Variants in MAST4 observed in about 807,000 individuals in gnomAD.
The protein encoded by MAST4 is microtubule associated serine/threonine kinase family member 4.
MAST4 carries 89 observed loss-of-function variants against 162.7 expected under a neutral mutation model. The observed-to-expected ratio is 0.55, with a 90% CI of 0.46 to 0.65. The LOEUF is 0.65. MAST4 is among the 30% of genes least tolerant of loss of function. MAST4 has a pLI of 0.00. For missense variants in MAST4, 3,153 were observed against 3,374.0 expected, an observed-to-expected ratio of 0.93 and a Z score of 1.62; for synonymous variants, 1,479 against 1,361.1, an observed-to-expected ratio of 1.09 and a Z score of -1.91.
At chr5:67,063,517 G>A (rs1438853823) in intron 5 of MAST4, among the ~76,000 whole-genome samples, 2 of 152,034 alleles carry the variant, frequency 1.3e-5, no homozygotes, top group African/African-American at 4.8e-5. Flanking sequence ...AATCTGAATG[G>A]CCTTTGATTT....
chr5:66,910,756 T>G (rs890798971), intron 4 of MAST4, among the ~76,000 whole-genome samples: 1 of 61,590 alleles, frequency 1.6e-5, no homozygotes, highest in Non-Finnish European at 3.8e-5. Flanking sequence ...TTTTTTTTTC[T>G]TTTTTTTTTT....
intron 1 of MAST4, among the ~76,000 whole-genome samples, chr5:66,675,734 C>G (rs1747903845): frequency 6.6e-6 from 1 of 152,108 alleles, no homozygotes; most frequent in African/African-American, 2.4e-5. Flanking sequence ...AAAAAGATCC[C>G]TGTGAACTGG....
intron 5 of MAST4, among the ~76,000 whole-genome samples, chr5:67,069,048 G>A (rs929558100): frequency 3.3e-5 from 5 of 151,864 alleles, no homozygotes; most frequent in African/African-American, 9.7e-5. Flanking sequence ...ACCTAAGGAC[G>A]TCCCCAAAGC....
chr5:66,955,844 T>C (rs546813816), intron 4 of MAST4, among the ~76,000 whole-genome samples: 296 of 152,342 alleles, frequency 1.9e-3, no homozygotes, highest in African/African-American at 6.7e-3. Flanking sequence ...AGTGTGTACA[T>C]ACACAATATC....
chr5:66,945,910 T>C (rs978363846), intron 4 of MAST4, among the ~76,000 whole-genome samples: 2 of 152,186 alleles, frequency 1.3e-5, no homozygotes, highest in African/African-American at 2.4e-5. Flanking sequence ...TCTTCAACTA[T>C]GTCCCTTTGA....
chr5:66,969,863 C>T (rs1747216367), intron 4 of MAST4, among the ~76,000 whole-genome samples: 1 of 152,162 alleles, frequency 6.6e-6, no homozygotes. Context: ...TATTTTTCCG[C>T]CTTTCACTTT....
intron 4 of MAST4, among the ~76,000 whole-genome samples, chr5:67,016,910 T>A (rs1006166108): frequency 6.6e-6 from 1 of 152,242 alleles, no homozygotes; most frequent in African/African-American, 2.4e-5. Context: ...TTCTTTCTGA[T>A]TATGGATGGC....
intron 4 of MAST4, among the ~76,000 whole-genome samples, chr5:66,922,159 T>G (rs1764583203): frequency 6.6e-6 from 1 of 152,162 alleles, no homozygotes; most frequent in Admixed American, 6.5e-5. Flanking sequence ...ATGCAGTTCT[T>G]TTGGAGTATG....
intron 1 of MAST4, among the ~76,000 whole-genome samples, chr5:66,745,388 C>G: frequency 6.6e-6 from 1 of 152,284 alleles, no homozygotes; most frequent in African/African-American, 2.4e-5. Context: ...ACTGCTCTTT[C>G]TCTCTTACCT....
In MAST4 at chr5:67,162,825, G is replaced by A. The variant is rs368157718; in HGVS notation, c.3967+37G>A. ...TCCTGGTCTAAACAGCAGAGGGGAGGGGAGGTAAAGTCATGTGAGGTCCCC... is the reference window on the plus strand; with the variant it reads ...TCCTGGTCTAAACAGCAGAGGGGAGAGGAGGTAAAGTCATGTGAGGTCCCC... On this transcript the variant is annotated intron_variant, in intron 28 of 28. Coordinates refer to ENST00000403625, the MANE Select transcript of MAST4 (RefSeq NM_001164664.2). 2.5e-6 allele frequency: 4 copies of A among 1,591,190 alleles called. No homozygotes were observed. In the African/African-American group the frequency reaches 5.4e-5, roughly 21 times the overall value.
chr5:66,822,698 A>C (rs1441246643), intron 3 of MAST4, among the ~76,000 whole-genome samples: 2 of 152,172 alleles, frequency 1.3e-5, no homozygotes, highest in African/African-American at 4.8e-5. Context: ...GGCTCAGAGA[A>C]TTGGGGATTC....
At chr5:67,040,478 A>G (rs779413820) in intron 4 of MAST4, among the ~76,000 whole-genome samples, 1 of 152,216 alleles carries the variant, frequency 6.6e-6, no homozygotes, top group Admixed American at 6.5e-5. Context: ...CCTGTCTACC[A>G]TGAGCCTGAA....
chr5:66,954,900 C>CAAAAAAAAAAAAAAA (rs538274808), intron 4 of MAST4, among the ~76,000 whole-genome samples: 33 of 139,350 alleles, frequency 2.4e-4, no homozygotes, highest in African/African-American at 8.2e-4. Flanking sequence ...GACTCTGTCT[C>CAAAAAAAAAAAAAAA]AAAAAAAAAA....
intron 4 of MAST4, among the ~76,000 whole-genome samples, chr5:66,926,831 G>C (rs1434545220): frequency 6.6e-6 from 1 of 151,984 alleles, no homozygotes; most frequent in Non-Finnish European, 1.5e-5. Flanking sequence ...TTTTGGGTGG[G>C]TTTTCTTTGT....
At chr5:66,619,206 C>A (rs1580005421) in intron 1 of MAST4, among the ~76,000 whole-genome samples, 1 of 152,056 alleles carries the variant, frequency 6.6e-6, no homozygotes, top group East Asian at 1.9e-4. Context: ...CATTTGGGGA[C>A]TTGACGGGAT....
intron 1 of MAST4, among the ~76,000 whole-genome samples, chr5:66,751,795 G>A (rs1192674579): frequency 8.1e-5 from 12 of 149,032 alleles, no homozygotes; most frequent in East Asian, 3.9e-4. Flanking sequence ...TACAGAGAAC[G>A]CCACAAAGAT....
intron 1 of MAST4, among the ~76,000 whole-genome samples, chr5:66,689,895 G>A (rs1389218019): frequency 6.6e-6 from 1 of 152,150 alleles, no homozygotes; most frequent in East Asian, 1.9e-4. Context: ...TAAGCCTACT[G>A]AGTAGTAGTA....
At chr5:67,045,322 G>A (rs1757230935) in intron 4 of MAST4, among the ~76,000 whole-genome samples, 1 of 152,140 alleles carries the variant, frequency 6.6e-6, no homozygotes, top group African/African-American at 2.4e-5. Context: ...TGCTTGCCAG[G>A]TTTACTGCAA....
At chr5:67,057,897 A>G (rs911884057) in intron 5 of MAST4, among the ~76,000 whole-genome samples, 1 of 152,008 alleles carries the variant, frequency 6.6e-6, no homozygotes, top group Non-Finnish European at 1.5e-5. Flanking sequence ...TGACATAAGG[A>G]AAAAATAGCC....
Sources: allele counts gnomAD v4.1 joint callset (sites outside exome capture counted in the v4.1 genomes callset), GRCh38; gene constraint gnomAD v4.1.1; transcripts MANE v1.5; gene names NCBI Gene and HGNC (gene_info 2026-07-23, HGNC 2026-07-21).